Variants in VPS13A observed in about 807,000 individuals in gnomAD.
VPS13A encodes the protein vacuolar protein sorting 13 homolog A.
Under a neutral mutation model 390.9 loss-of-function variants are expected in VPS13A, and 264 were observed. The ratio of observed to expected loss-of-function variants is 0.68; its 90% CI spans 0.61 to 0.75. The LOEUF (loss-of-function observed/expected upper bound fraction) is 0.75, where lower values mean the gene tolerates loss of function less well. VPS13A is among the 30% of genes least tolerant of loss of function. VPS13A has a pLI of 0.00. For synonymous variants in VPS13A, 1,231 were observed against 1,227.1 expected (o/e 1.00, Z -0.07); for missense variants, 3,409 against 3,733.9 (o/e 0.91, Z 2.27).
chr9:77,406,637 G>T (rs1834624547), intron 70 of VPS13A, among the ~76,000 whole-genome samples: 2 of 151,596 alleles, frequency 1.3e-5, no homozygotes, highest in Admixed American at 1.3e-4. Context: ...GTCTGGTCTT[G>T]AATTCCTGGG....
At chr9:77,250,292 C>CTTATAA in intron 21 of VPS13A, 63 bp downstream of exon 21, 1 of 1,564,612 alleles carries the variant, frequency 6.4e-7, no homozygotes. Context: ...GGTTTTTAGA[C>CTTATAA]ACTTTGAAGA....
rs1835203916 is a variant in VPS13A at position 77,417,409 on chromosome 9, T to G, written c.*1403T>G. The G allele has an allele frequency of 6.6e-6, 1 of 152,194 alleles. No individual in the cohort carries two copies. Among genetic ancestry groups the G allele is most frequent in the South Asian group, 2.1e-4 (1 of 4,832 alleles). The allele number at this position is 152,194 out of a possible 1,614,324, so 9.4% of individuals were successfully genotyped here. ...CCAAATCTACTAAATGCTATTGATT[T>G]CTCTCTGATTACTAAAACACATTGT... On this transcript the variant is annotated 3_prime_UTR_variant, in exon 72 of 72. Transcript: ENST00000360280.
intron 23 of VPS13A, 72 bp downstream of exon 23, chr9:77,260,296 G>A (rs1825681906): frequency 6.7e-7 from 1 of 1,502,708 alleles, no homozygotes; most frequent in South Asian, 1.2e-5. Context: ...AACAATCACA[G>A]GAATTTTATA....
chr9:77,377,288 C>G (rs1184069542), intron 67 of VPS13A, among the ~76,000 whole-genome samples: 2 of 134,378 alleles, frequency 1.5e-5, no homozygotes, highest in South Asian at 2.5e-4. Context: ...GGCGCAATCT[C>G]GGCTCACTGC....
chr9:77,192,487 C>G (rs1001469948), intron 1 of VPS13A, among the ~76,000 whole-genome samples: 1 of 152,128 alleles, frequency 6.6e-6, no homozygotes, highest in African/African-American at 2.4e-5. Flanking sequence ...AATGGTCTTT[C>G]ATTTCCATGG....
chr9:77,214,552 C>T (rs966271342), intron 10 of VPS13A, among the ~76,000 whole-genome samples, 166 bp downstream of exon 10: 2 of 151,782 alleles, frequency 1.3e-5, no homozygotes, highest in South Asian at 2.1e-4. Context: ...TTTTTAGTAA[C>T]GTATTTTATT....
chr9:77,376,054 G>C (rs1833051194), intron 67 of VPS13A, among the ~76,000 whole-genome samples: 1 of 152,170 alleles, frequency 6.6e-6, no homozygotes, highest in Non-Finnish European at 1.5e-5. Flanking sequence ...GATCAGGGAT[G>C]CTTAACTCAT....
intron 50 of VPS13A, among the ~76,000 whole-genome samples, chr9:77,343,630 G>GTA (rs1830965612): frequency 6.6e-6 from 1 of 151,998 alleles, no homozygotes; most frequent in Non-Finnish European, 1.5e-5. Flanking sequence ...AAGTTATTTC[G>GTA]TACAATTCTG....
intron 26 of VPS13A, 84 bp from the exon 27 acceptor site, chr9:77,280,075 C>G: frequency 9.5e-7 from 1 of 1,054,212 alleles, no homozygotes; most frequent in Non-Finnish European, 1.4e-6. Flanking sequence ...CCTTCTTTTG[C>G]AATTACATAA....
intron 71 of VPS13A, among the ~76,000 whole-genome samples, chr9:77,412,583 T>C (rs1218082125): frequency 2.6e-5 from 4 of 152,200 alleles, no homozygotes; most frequent in Non-Finnish European, 5.9e-5. Context: ...TAATTAGGTA[T>C]TGATGGGATG....
chr9:77,298,741 C>T (rs1828159394), intron 33 of VPS13A, among the ~76,000 whole-genome samples: 2 of 152,098 alleles, frequency 1.3e-5, no homozygotes, highest in African/African-American at 4.8e-5. Context: ...TCCCATAATT[C>T]CCACATGTTG....
intron 54 of VPS13A, 65 bp downstream of exon 54, chr9:77,353,706 T>A: frequency 1.4e-6 from 2 of 1,414,910 alleles, no homozygotes; most frequent in South Asian, 1.2e-5. Context: ...AAATTGTTAT[T>A]GTAAAATCTC....
At chr9:77,182,101 C>CT in intron 1 of VPS13A, among the ~76,000 whole-genome samples, 1 of 151,978 alleles carries the variant, frequency 6.6e-6, no homozygotes, top group Non-Finnish European at 1.5e-5. Flanking sequence ...TTTTCTTTTT[C>CT]TTTTCTTTTT....
At chr9:77,227,582 G>A (rs1360606843) in intron 16 of VPS13A, 97 bp downstream of exon 16, 3 of 934,692 alleles carry the variant, frequency 3.2e-6, no homozygotes, top group Non-Finnish European at 5.0e-6. Flanking sequence ...GACTGCAGTG[G>A]TGTGATCTCT....
intron 20 of VPS13A, 117 bp downstream of exon 20, chr9:77,247,512 ATAAG>A: frequency 8.9e-7 from 1 of 1,117,820 alleles, no homozygotes; most frequent in South Asian, 1.7e-5. Flanking sequence ...TTTGTGGTAG[ATAAG>A]TAAGATTTGA....
intron 71 of VPS13A, among the ~76,000 whole-genome samples, chr9:77,410,267 G>A (rs1266852042): frequency 6.6e-6 from 1 of 152,098 alleles, no homozygotes; most frequent in African/African-American, 2.4e-5. Flanking sequence ...TCACCACCAG[G>A]CCTGCCCTAA....
chr9:77,399,715 A>G (rs1834288432), intron 68 of VPS13A, among the ~76,000 whole-genome samples: 1 of 152,220 alleles, frequency 6.6e-6, no homozygotes, highest in Non-Finnish European at 1.5e-5. Context: ...AGAATGTAAA[A>G]TTAAAAATAA....
rs372541339 is a variant in VPS13A at position 77,318,984 on chromosome 9, G to A, written c.5313+393G>A. On this transcript the variant is annotated intron_variant, in intron 41 of 71. Coordinates refer to ENST00000360280, the MANE Select transcript of VPS13A (RefSeq NM_033305.3). Reference sequence around the variant, plus strand: ...AAGCAGAAGGATCGCTTGAGCCCAGGAGTTCAAGATCAGCCTGGGCAACAT... The same window carrying A: ...AAGCAGAAGGATCGCTTGAGCCCAGAAGTTCAAGATCAGCCTGGGCAACAT... Among the ~76,000 whole-genome samples the A allele has an allele frequency of 9.2e-5, 14 of 152,144 alleles. No homozygotes were observed. In the East Asian group the frequency reaches 2.5e-3, roughly 27 times the overall value.
At chr9:77,405,183 G>C (rs1834545157) in intron 69 of VPS13A, among the ~76,000 whole-genome samples, 1 of 152,122 alleles carries the variant, frequency 6.6e-6, no homozygotes, top group Admixed American at 6.5e-5. Flanking sequence ...AAATTAGAAT[G>C]ATGCTTTTTG....
Sources: gnomAD v4.1 joint callset for allele counts (sites outside exome capture counted in the v4.1 genomes callset) on GRCh38, gnomAD v4.1.1 for gene constraint, MANE v1.5 for transcripts, NCBI Gene and HGNC (gene_info 2026-07-23, HGNC 2026-07-21) for gene names.